LRRC4C: variants seen among roughly 807,000 people sequenced by gnomAD.
LRRC4C encodes leucine-rich repeat-containing protein 4C.
Under a neutral mutation model 33.6 loss-of-function variants are expected in LRRC4C, and 5 were observed. That is an observed-to-expected ratio of 0.15 (90% CI 0.08 to 0.31). The LOEUF (loss-of-function observed/expected upper bound fraction) is 0.31, where lower values mean the gene tolerates loss of function less well. Among genes scored for constraint, LRRC4C ranks in the 10% least tolerant of loss-of-function variants. LRRC4C has a pLI of 1.00. For synonymous variants in LRRC4C, 329 were observed against 302.0 expected (o/e 1.09, Z -0.93); for missense variants, 560 against 796.7 (o/e 0.70, Z 3.58).
At chr11:40,354,980 C>A (rs1293795531) in intron 3 of LRRC4C, among the ~76,000 whole-genome samples, 1 of 152,110 alleles carries the variant, frequency 6.6e-6, no homozygotes, top group African/African-American at 2.4e-5. Context: ...TGGGTCTTAC[C>A]CAAGGCCCAC....
intron 2 of LRRC4C, among the ~76,000 whole-genome samples, chr11:40,661,197 G>C (rs941434069): frequency 6.6e-6 from 1 of 151,788 alleles, no homozygotes; most frequent in Non-Finnish European, 1.5e-5. Flanking sequence ...GCAAAAAGGA[G>C]ATGATGCCAA....
At chr11:41,060,526 G>A (rs770714806) in intron 1 of LRRC4C, among the ~76,000 whole-genome samples, 2 of 152,114 alleles carry the variant, frequency 1.3e-5, no homozygotes, top group Admixed American at 1.3e-4. Context: ...TTTTCTAGGT[G>A]TACGCATATG....
At chr11:41,328,492 C>T (rs1951192638) in intron 1 of LRRC4C, among the ~76,000 whole-genome samples, 1 of 152,002 alleles carries the variant, frequency 6.6e-6, no homozygotes, top group South Asian at 2.1e-4. Context: ...CCAGACAAAG[C>T]CACCACACTC....
intron 3 of LRRC4C, among the ~76,000 whole-genome samples, chr11:40,529,094 A>G (rs1956173039): frequency 6.6e-6 from 1 of 152,152 alleles, no homozygotes; most frequent in Non-Finnish European, 1.5e-5. Context: ...CAACTGTTTT[A>G]CACTGTTGAC....
At chr11:40,880,076 G>A (rs1955092594) in intron 2 of LRRC4C, among the ~76,000 whole-genome samples, 1 of 152,086 alleles carries the variant, frequency 6.6e-6, no homozygotes, top group Admixed American at 6.6e-5. Flanking sequence ...GAAACCAGCT[G>A]CCATGCTGTG....
At chr11:40,689,604 CT>C (rs1296274101) in intron 2 of LRRC4C, among the ~76,000 whole-genome samples, 2 of 152,050 alleles carry the variant, frequency 1.3e-5, no homozygotes, top group African/African-American at 2.4e-5. Flanking sequence ...GAAGAGGATT[CT>C]TCTCAAATAA....
At chr11:40,564,782 T>G (rs1185991394) in intron 3 of LRRC4C, among the ~76,000 whole-genome samples, 1 of 152,162 alleles carries the variant, frequency 6.6e-6, no homozygotes, top group Admixed American at 6.5e-5. Flanking sequence ...TGAGCTGCTG[T>G]CAAGACACCT....
intron 3 of LRRC4C, among the ~76,000 whole-genome samples, chr11:40,589,106 GAGTCTA>G (rs1958909010): frequency 6.6e-6 from 1 of 152,110 alleles, no homozygotes; most frequent in Non-Finnish European, 1.5e-5. Context: ...TAATGTGCGG[GAGTCTA>G]AGTCTCTTTG....
Position 40,238,330 on chromosome 11 carries a change from T to C in LRRC4C, c.-96+3189A>G, listed in dbSNP as rs555023347. 7.9e-5 allele frequency among the ~76,000 whole-genome samples: 12 copies of C among 152,322 alleles called. No individual in the cohort carries two copies. The South Asian group carries it at 2.5e-3, about 32-fold the overall frequency. On this transcript the variant is annotated intron_variant, in intron 5 of 6. Transcript: ENST00000528697. ...TAAGTTTTGAATGTATTTCAGTTTCTGACTTTGGCCCCAAACCTGCTTTTC... is the reference window on the plus strand; with the variant it reads ...TAAGTTTTGAATGTATTTCAGTTTCCGACTTTGGCCCCAAACCTGCTTTTC...
chr11:40,670,641 T>C (rs1022295870), intron 2 of LRRC4C, among the ~76,000 whole-genome samples: 7 of 152,028 alleles, frequency 4.6e-5, no homozygotes, highest in African/African-American at 1.7e-4. Context: ...TTGCTAGATG[T>C]AGGGAAAAAA....
chr11:41,008,629 C>A (rs887650459), intron 1 of LRRC4C, among the ~76,000 whole-genome samples: 1 of 152,084 alleles, frequency 6.6e-6, no homozygotes, highest in Admixed American at 6.6e-5. Context: ...CTAATCTCAG[C>A]ACCATTAACA....
In LRRC4C at chr11:41,089,982, A is replaced by T. The variant is rs142570469; in HGVS notation, c.-495-156259T>A. 2.6e-3 allele frequency among the ~76,000 whole-genome samples: 400 copies of T among 151,594 alleles called. 1 individual carries two copies. The highest frequency in any genetic ancestry group is 0.01 in the Middle Eastern group (3 of 294). On this transcript the variant is annotated intron_variant, in intron 1 of 6. Transcript: ENST00000528697. ...TTTTCAAAGAATAAGGTGATTGGAAACAATTTAATAGTAAGAATAGAATAT... is the reference window on the plus strand; with the variant it reads ...TTTTCAAAGAATAAGGTGATTGGAATCAATTTAATAGTAAGAATAGAATAT...
chr11:40,635,414 T>A (rs944838438), intron 3 of LRRC4C, among the ~76,000 whole-genome samples: 2 of 152,250 alleles, frequency 1.3e-5, no homozygotes, highest in Non-Finnish European at 2.9e-5. Flanking sequence ...AGCTAGATGA[T>A]GCTCATTGTT....
intron 2 of LRRC4C, among the ~76,000 whole-genome samples, chr11:40,685,448 C>T (rs1944906101): frequency 6.6e-6 from 1 of 151,600 alleles, no homozygotes; most frequent in African/African-American, 2.4e-5. Flanking sequence ...AAATTATAAA[C>T]AAGATTTAAG....
At chr11:41,087,845 T>C (rs1459304602) in intron 1 of LRRC4C, among the ~76,000 whole-genome samples, 3 of 152,182 alleles carry the variant, frequency 2.0e-5, no homozygotes, top group Admixed American at 2.0e-4. Flanking sequence ...TTGGAAAAAG[T>C]CTTAAGTGTC....
At chr11:40,966,250 C>A (rs796286283) in intron 1 of LRRC4C, among the ~76,000 whole-genome samples, 4 of 152,052 alleles carry the variant, frequency 2.6e-5, no homozygotes, top group Admixed American at 1.3e-4. Flanking sequence ...CCTATTTTTA[C>A]ATTTGCATCT....
chr11:40,769,081 C>A (rs1022984575), intron 2 of LRRC4C, among the ~76,000 whole-genome samples: 2 of 151,762 alleles, frequency 1.3e-5, no homozygotes, highest in African/African-American at 4.8e-5. Context: ...CACAGAAAAA[C>A]CAAAAGATTT....
At chr11:40,708,088 G>T (rs1946263116) in intron 2 of LRRC4C, among the ~76,000 whole-genome samples, 1 of 151,972 alleles carries the variant, frequency 6.6e-6, no homozygotes, top group Non-Finnish European at 1.5e-5. Context: ...TGCATCTGTT[G>T]ATTCTTCTCA....
chr11:40,591,620 T>C (rs556186062), intron 3 of LRRC4C, among the ~76,000 whole-genome samples: 1 of 152,350 alleles, frequency 6.6e-6, no homozygotes, highest in South Asian at 2.1e-4. Context: ...TCAAGATCAG[T>C]AGCTTTCATC....
Sources: allele counts gnomAD v4.1 joint callset (sites outside exome capture counted in the v4.1 genomes callset), GRCh38; gene constraint gnomAD v4.1.1; transcripts MANE v1.5; gene names NCBI Gene and HGNC (gene_info 2026-07-23, HGNC 2026-07-21).